The following ZNF644 variants were observed in gnomAD, a reference collection of about 807,000 sequenced individuals.
ZNF644 encodes the protein zinc finger motif enhancer binding protein 2.
A neutral mutation model predicts 108.0 loss-of-function variants in ZNF644; 20 were observed. The observed-to-expected ratio is 0.19, with a 90% CI of 0.13 to 0.27. ZNF644 has a LOEUF of 0.27. Ranked by LOEUF, ZNF644 falls within the 10% of genes least tolerant of loss-of-function variation. The pLI is 1.00. For synonymous variants in ZNF644, 542 were observed against 539.1 expected (o/e 1.01, Z -0.08); for missense variants, 1,338 against 1,548.9 (o/e 0.86, Z 2.29).
At chr1:90,918,615 G>A (rs558336242) in intron 4 of ZNF644, among the ~76,000 whole-genome samples, 3 of 152,092 alleles carry the variant, frequency 2.0e-5, no homozygotes, top group Non-Finnish European at 4.4e-5. Context: ...CATTAAGTAG[G>A]TCTTCTATAC....
At chr1:91,021,908 C>T in intron 1 of ZNF644, 82 bp downstream of exon 1, 1 of 399,222 alleles carries the variant, frequency 2.5e-6, no homozygotes. Context: ...CCGCCACCCT[C>T]AGTCCCGCCG....
At chr1:90,979,760 A>G (rs1054844575) in intron 2 of ZNF644, among the ~76,000 whole-genome samples, 1 of 152,210 alleles carries the variant, frequency 6.6e-6, no homozygotes, top group African/African-American at 2.4e-5. Flanking sequence ...AGAAATAACT[A>G]GTACAAACCC....
Position 90,918,284 on chromosome 1 carries a change from C to T in ZNF644, c.3689-130G>A, listed in dbSNP as rs1044792270. The T allele has an allele frequency of 5.4e-6, 4 of 742,978 alleles. No homozygotes were observed. In the Admixed American group the frequency reaches 8.2e-5, roughly 15 times the overall value. 46.0% of individuals were successfully genotyped at this position (742,978 alleles called of 1,614,324 possible). ...AAAAGTCCGCATTCATTTCCCTATT[C>T]CCTGAAGCATGCATTCAACTTGCTG... On this transcript the variant is annotated intron_variant, in intron 4 of 5. Coordinates refer to ENST00000337393, the MANE Select transcript of ZNF644 (RefSeq NM_201269.3).
Position 90,939,857 on chromosome 1 carries a change from A to G in ZNF644, c.1497T>C (p.Pro499=). ...DEGRSARLQC[P]QCVFGTNCPK... ...GGCAATTGGTACCAAACACACACTG[A>G]GGACACTGTAATCGTGCACTTCTTC... Residue 499 remains proline, a synonymous_variant, in exon 3 of 6, where the codon CCT becomes CCC. Transcript: ENST00000337393. 1.2e-6 allele frequency: 2 copies of G among 1,614,076 alleles called. No individual in the cohort carries two copies. Among genetic ancestry groups the G allele is most frequent in the Non-Finnish European group, 1.7e-6 (2 of 1,179,956 alleles).
intron 2 of ZNF644, among the ~76,000 whole-genome samples, chr1:90,975,671 T>TGA (rs1184183671): frequency 1.3e-5 from 2 of 152,170 alleles, no homozygotes; most frequent in African/African-American, 2.4e-5. Context: ...CTTGAACTCC[T>TGA]GACCTCAGGC....
In ZNF644 at chr1:90,939,306, C is replaced by G. The variant is rs201546602; in HGVS notation, c.2048G>C (p.Arg683Thr). ...SFSKIHKRPH[R>T]IQKARKSIAQ... ...AATGCTTTTCCGAGCTTTCTGTATT[C>G]TGTGTGGCCGCTTATGAATTTTTGA... Residue 683 changes from arginine (R) to threonine (T), a missense_variant, in exon 3 of 6, where the codon AGA becomes ACA. This residue lies in a region of ZNF644 where 462 missense variants were observed against 472.6 expected (regional missense o/e 0.98). Transcript: ENST00000337393. 98 of 1,613,914 alleles carry G rather than the reference C, an allele frequency of 6.1e-5. No homozygotes were observed. The highest frequency in any genetic ancestry group is 7.1e-5 in the Non-Finnish European group (84 of 1,179,948).
At chr1:90,983,762 A>G (rs1656814900) in intron 1 of ZNF644, among the ~76,000 whole-genome samples, 1 of 152,180 alleles carries the variant, frequency 6.6e-6, no homozygotes, top group Non-Finnish European at 1.5e-5. Context: ...CCCCGTCTCT[A>G]CTAAAAATAC....
chr1:90,950,049 G>A (rs997366572), intron 2 of ZNF644, among the ~76,000 whole-genome samples: 14 of 151,508 alleles, frequency 9.2e-5, no homozygotes, highest in African/African-American at 3.4e-4. Context: ...AGGCCAAGGT[G>A]GGCAGATTGC....
At chr1:91,017,144 T>A (rs1385522814) in intron 1 of ZNF644, among the ~76,000 whole-genome samples, 2 of 152,118 alleles carry the variant, frequency 1.3e-5, no homozygotes, top group African/African-American at 4.8e-5. Context: ...ATATAAAGTA[T>A]TTTAAAAGCT....
At chr1:90,983,414 G>T (rs182113215) in intron 1 of ZNF644, among the ~76,000 whole-genome samples, 1 of 140,636 alleles carries the variant, frequency 7.1e-6, no homozygotes, top group East Asian at 2.1e-4. Context: ...GGGATAAGCT[G>T]AACTATTGCC....
In ZNF644 at chr1:90,955,821, T is replaced by A. The variant is rs553769076; in HGVS notation, c.45-14512A>T. Among the ~76,000 whole-genome samples, 12 of 152,358 alleles carry A rather than the reference T, an allele frequency of 7.9e-5. No homozygotes were observed. In the South Asian group the frequency reaches 2.1e-3, roughly 26 times the overall value. ...TTTGTGTGCTCACTGGAGTAGTACT[T>A]TTAATTTCTTTCAAGAACTTTTCTT... is the stretch of plus-strand genomic sequence containing the variant. On this transcript the variant is annotated intron_variant, in intron 2 of 5. Transcript: ENST00000337393.
At position 90,968,297 on chromosome 1, in the gene ZNF644, G is replaced by C. The variant is rs559315875; in HGVS notation, c.44+14013C>G. Among the ~76,000 whole-genome samples the C allele has an allele frequency of 1.0e-3, 154 of 152,224 alleles. 1 individual carries two copies. The highest frequency in any genetic ancestry group is 3.5e-3 in the African/African-American group (147 of 41,544). ...ACTGAAAACTTAAAAGGCTGCCTAT[G>C]AGATATAATTTACAATAGGGTAATG... is the stretch of plus-strand genomic sequence containing the variant. On this transcript the variant is annotated intron_variant, in intron 2 of 5. Transcript: ENST00000337393.
At chr1:90,978,352 T>TAAA (rs59090395) in intron 2 of ZNF644, among the ~76,000 whole-genome samples, 1 of 133,832 alleles carries the variant, frequency 7.5e-6, no homozygotes, top group Non-Finnish European at 1.6e-5. Flanking sequence ...AACTTTGTCT[T>TAAA]AAAAAAAAAA....
chr1:90,990,377 G>A (rs546382263), intron 1 of ZNF644, among the ~76,000 whole-genome samples: 3 of 152,294 alleles, frequency 2.0e-5, no homozygotes, highest in Non-Finnish European at 4.4e-5. Flanking sequence ...GGAGTAACAG[G>A]AATTGGGTTT....
intron 4 of ZNF644, among the ~76,000 whole-genome samples, chr1:90,930,925 C>T (rs551087644): frequency 6.6e-6 from 1 of 152,272 alleles, no homozygotes; most frequent in South Asian, 2.1e-4. Flanking sequence ...GAAATTCACT[C>T]TTATTTTGAC....
At chr1:90,951,538 A>T (rs1483737511) in intron 2 of ZNF644, among the ~76,000 whole-genome samples, 1 of 152,072 alleles carries the variant, frequency 6.6e-6, no homozygotes, top group African/African-American at 2.4e-5. Context: ...ATGGCAAACT[A>T]TTTCATCTTG....
At chr1:90,983,145 A>C (rs1003099918) in intron 1 of ZNF644, among the ~76,000 whole-genome samples, 66 of 152,168 alleles carry the variant, frequency 4.3e-4, no homozygotes, top group African/African-American at 1.6e-3. Flanking sequence ...TTCTTTAAAA[A>C]ATAGCACCAC....
intron 4 of ZNF644, among the ~76,000 whole-genome samples, chr1:90,931,922 G>A (rs560051218): frequency 2.0e-5 from 3 of 152,098 alleles, no homozygotes; most frequent in East Asian, 3.9e-4. Flanking sequence ...ACAAATTGAT[G>A]ATAGCCTTCA....
chr1:90,940,239 TCTC>T lies in ZNF644; in HGVS notation c.1112_1114del (p.Gly371del), dbSNP rs1651806230. On this transcript the variant is annotated inframe_deletion, in exon 3 of 6. Coordinates refer to ENST00000337393, the MANE Select transcript of ZNF644 (RefSeq NM_201269.3). The stretch of plus-strand genomic sequence containing the variant: ...GCTAGTATGAACAGGTGAACTCTCT[TCTC>T]CACACTTATCTGGGTTATAAATTAG... 6.2e-7 allele frequency: 1 copy of T among 1,613,988 alleles called. No individual in the cohort carries two copies. Among genetic ancestry groups the T allele is most frequent in the East Asian group, 2.2e-5 (1 of 44,870 alleles).
Sources: allele counts gnomAD v4.1 joint callset (sites outside exome capture counted in the v4.1 genomes callset), GRCh38; gene constraint gnomAD v4.1.1; regional missense constraint gnomAD v4.1.1; transcripts MANE v1.5; gene names NCBI Gene and HGNC (gene_info 2026-07-23, HGNC 2026-07-21).